The following ASPRV1 variants were observed in gnomAD, a reference collection of about 807,000 sequenced individuals.
ASPRV1 encodes aspartic peptidase retroviral like 1.
A neutral mutation model predicts 11.0 loss-of-function variants in ASPRV1; 7 were observed. The ratio of observed to expected loss-of-function variants is 0.64; its 90% CI spans 0.36 to 1.20. The LOEUF (loss-of-function observed/expected upper bound fraction) is 1.20. Ranked by LOEUF, ASPRV1 falls within the 50% of genes most tolerant of loss-of-function variation. The pLI is 0.02. For synonymous variants in ASPRV1, 136 were observed against 138.4 expected (o/e 0.98, Z 0.12); for missense variants, 299 against 320.0 (o/e 0.93, Z 0.50).
chr2:69,946,498 G>A, the ASPRV1 span, among the ~76,000 whole-genome samples: 1 of 152,312 alleles, frequency 6.6e-6, no homozygotes, highest in African/African-American at 2.4e-5. Flanking sequence ...GGTAAAGTAT[G>A]CAAACAGCTT....
the ASPRV1 span, among the ~76,000 whole-genome samples, chr2:70,037,215 T>G: frequency 6.6e-6 from 1 of 152,236 alleles, no homozygotes; most frequent in African/African-American, 2.4e-5. Context: ...ATTTCCATCA[T>G]GATAGGTAAC....
chr2:70,074,031 G>A, the ASPRV1 span, among the ~76,000 whole-genome samples: 2 of 150,698 alleles, frequency 1.3e-5, no homozygotes, highest in East Asian at 2.0e-4. Flanking sequence ...CTACTCGGGA[G>A]GGTGAGGCAG....
At chr2:70,051,095 A>C in the ASPRV1 span, 1 of 152,358 alleles carries the variant, frequency 6.6e-6, no homozygotes, top group Admixed American at 6.5e-5. Context: ...TACTATTCTA[A>C]GCATTTTACT....
chr2:70,022,389 A>G, the ASPRV1 span, among the ~76,000 whole-genome samples: 1 of 143,450 alleles, frequency 7.0e-6, no homozygotes, highest in South Asian at 2.5e-4. Context: ...ACACACACAC[A>G]CACAAACACA....
At chr2:70,080,965 C>A in the ASPRV1 span, 1 of 152,114 alleles carries the variant, frequency 6.6e-6, no homozygotes, top group African/African-American at 2.4e-5. Context: ...GACACAGGGG[C>A]TCCCTATGTT....
the ASPRV1 span, among the ~76,000 whole-genome samples, chr2:70,010,711 A>G: frequency 6.6e-6 from 1 of 152,186 alleles, no homozygotes; most frequent in Non-Finnish European, 1.5e-5. Flanking sequence ...CAGTCTGAAC[A>G]TGAGAGCTGC....
chr2:70,084,197 G>T, the ASPRV1 span, among the ~76,000 whole-genome samples: 26 of 152,260 alleles, frequency 1.7e-4, no homozygotes, highest in Non-Finnish European at 2.9e-4. Flanking sequence ...GTCTTGGAAA[G>T]AAAGACCTGA....
the ASPRV1 span, chr2:70,064,113 T>G: frequency 6.6e-6 from 1 of 152,224 alleles, no homozygotes; most frequent in Non-Finnish European, 1.5e-5. Flanking sequence ...GTGTTTTGTG[T>G]CAGGCTTACC....
the ASPRV1 span, among the ~76,000 whole-genome samples, chr2:70,068,580 T>A: frequency 6.6e-6 from 1 of 151,782 alleles, no homozygotes; most frequent in Admixed American, 6.6e-5. Flanking sequence ...GCTAGAGATG[T>A]GAATAGAAAG....
At chr2:69,994,144 T>C in the ASPRV1 span, 4 of 152,410 alleles carry the variant, frequency 2.6e-5, no homozygotes, top group Middle Eastern at 3.4e-3. Context: ...ACTGGTAAGA[T>C]GTTTCTGTCG....
the ASPRV1 span, chr2:69,938,229 C>T: frequency 2.3e-4 from 367 of 1,614,056 alleles, no homozygotes; most frequent in Non-Finnish European, 2.9e-4. Flanking sequence ...TATTCCAGCA[C>T]CAGCATCAAG....
chr2:70,081,759 T>C, the ASPRV1 span, among the ~76,000 whole-genome samples: 1 of 152,026 alleles, frequency 6.6e-6, no homozygotes, highest in African/African-American at 2.4e-5. Context: ...AATGTTTTTA[T>C]TTTTTTGTAG....
At chr2:70,078,622 C>A in the ASPRV1 span, among the ~76,000 whole-genome samples, 1 of 152,202 alleles carries the variant, frequency 6.6e-6, no homozygotes, top group African/African-American at 2.4e-5. Context: ...GCCTGGCATG[C>A]TGGAGCAACT....
the ASPRV1 span, among the ~76,000 whole-genome samples, chr2:70,025,832 A>C: frequency 1.3e-5 from 2 of 152,224 alleles, no homozygotes; most frequent in African/African-American, 2.4e-5. Flanking sequence ...AGGACACTTG[A>C]CCAGGCATGT....
At chr2:69,969,866 C>A in the ASPRV1 span, among the ~76,000 whole-genome samples, 1 of 151,976 alleles carries the variant, frequency 6.6e-6, no homozygotes, top group African/African-American at 2.4e-5. Context: ...ATCAGAGGTG[C>A]ACACCACCAC....
chr2:70,078,143 C>A, the ASPRV1 span, among the ~76,000 whole-genome samples: 1 of 152,286 alleles, frequency 6.6e-6, no homozygotes. Context: ...GGCGACAGAG[C>A]AAGACTCTGT....
chr2:70,061,055 G>A, the ASPRV1 span, among the ~76,000 whole-genome samples: 4 of 152,002 alleles, frequency 2.6e-5, no homozygotes, highest in South Asian at 2.1e-4. Flanking sequence ...TATATAGAGC[G>A]GCCAGAAAAG....
chr2:70,057,241 A>G, the ASPRV1 span, among the ~76,000 whole-genome samples: 2 of 151,380 alleles, frequency 1.3e-5, no homozygotes, highest in East Asian at 1.9e-4. Flanking sequence ...ATCTCTATTA[A>G]AAAAAAAGAA....
the ASPRV1 span, among the ~76,000 whole-genome samples, chr2:70,051,588 A>G: frequency 6.6e-6 from 1 of 152,322 alleles, no homozygotes; most frequent in East Asian, 1.9e-4. Context: ...AAGTATACCA[A>G]ATGTCCAACA....
Sources: allele counts gnomAD v4.1 joint callset (sites outside exome capture counted in the v4.1 genomes callset), GRCh38; gene constraint gnomAD v4.1.1; transcripts MANE v1.5; gene names NCBI Gene and HGNC (gene_info 2026-07-23, HGNC 2026-07-21).